TMEM232: variants seen among roughly 807,000 people sequenced by gnomAD.
TMEM232 encodes the protein transmembrane protein 232.
Under a neutral mutation model 78.8 loss-of-function variants are expected in TMEM232, and 80 were observed. The ratio of observed to expected loss-of-function variants is 1.01; its 90% CI spans 0.85 to 1.22. The LOEUF is 1.22. Among genes scored for constraint, TMEM232 ranks in the 50% most tolerant of loss-of-function variants. TMEM232 has a pLI of 0.00. For missense variants in TMEM232, 881 were observed against 742.2 expected, an observed-to-expected ratio of 1.19 and a Z score of -2.17; for synonymous variants, 297 against 254.3, an observed-to-expected ratio of 1.17 and a Z score of -1.60.
At chr5:110,498,169 T>C (rs552326469) in intron 12 of TMEM232, among the ~76,000 whole-genome samples, 1 of 152,244 alleles carries the variant, frequency 6.6e-6, no homozygotes, top group Non-Finnish European at 1.5e-5. Context: ...CTCCCTAATA[T>C]TATAAAATGA....
intron 8 of TMEM232, among the ~76,000 whole-genome samples, chr5:110,610,098 T>G (rs553908755): frequency 1.3e-5 from 2 of 151,532 alleles, no homozygotes; most frequent in Admixed American, 1.3e-4. Flanking sequence ...AAATCCATAG[T>G]TGAGGAAGTT....
chr5:110,594,328 T>C (rs1779888838), intron 10 of TMEM232, among the ~76,000 whole-genome samples: 1 of 152,104 alleles, frequency 6.6e-6, no homozygotes, highest in African/African-American at 2.4e-5. Context: ...GGAGATTCCC[T>C]CCTGTGCCTA....
intron 12 of TMEM232, among the ~76,000 whole-genome samples, chr5:110,433,202 C>T: frequency 6.6e-6 from 1 of 151,782 alleles, no homozygotes; most frequent in East Asian, 1.9e-4. Flanking sequence ...GCATATGGAA[C>T]ATACTCTAAG....
chr5:110,648,283 T>G (rs1030645370), intron 2 of TMEM232, among the ~76,000 whole-genome samples: 1 of 151,982 alleles, frequency 6.6e-6, no homozygotes, highest in Admixed American at 6.6e-5. Context: ...GTAATAGAAA[T>G]TCTCACAAAC....
chr5:110,571,218 G>A (rs7715436), intron 10 of TMEM232, among the ~76,000 whole-genome samples: 6,817 of 151,922 alleles, frequency 0.045, 547 homozygotes, highest in African/African-American at 0.16. Flanking sequence ...TCTTTTATTC[G>A]CTCAGATATT....
intron 10 of TMEM232, among the ~76,000 whole-genome samples, chr5:110,589,356 T>A (rs1355371566): frequency 6.6e-6 from 1 of 152,086 alleles, no homozygotes; most frequent in Non-Finnish European, 1.5e-5. Flanking sequence ...GCCCAGGAAC[T>A]TACGTTAAAA....
At chr5:110,590,042 C>A (rs1363207583) in intron 10 of TMEM232, among the ~76,000 whole-genome samples, 1 of 151,936 alleles carries the variant, frequency 6.6e-6, no homozygotes, top group Non-Finnish European at 1.5e-5. Context: ...GGATGGTTCT[C>A]CATAAAAGGA....
At chr5:110,643,182 C>T (rs757085120) in intron 2 of TMEM232, among the ~76,000 whole-genome samples, 5 of 151,972 alleles carry the variant, frequency 3.3e-5, no homozygotes, top group Admixed American at 6.6e-5. Flanking sequence ...AGGACTGAAT[C>T]GCTATTCACT....
At chr5:110,649,121 T>C (rs563229902) in intron 2 of TMEM232, among the ~76,000 whole-genome samples, 1 of 152,068 alleles carries the variant, frequency 6.6e-6, no homozygotes, top group Admixed American at 6.6e-5. Flanking sequence ...TTAAACAAAC[T>C]GCAACTATAC....
intron 1 of TMEM232, among the ~76,000 whole-genome samples, chr5:110,680,396 C>CAAAAA (rs1189611727): frequency 2.8e-4 from 7 of 24,660 alleles, no homozygotes; most frequent in East Asian, 1.4e-3. Context: ...GACTCTATCT[C>CAAAAA]AAAAAAAAAA....
intron 2 of TMEM232, among the ~76,000 whole-genome samples, chr5:110,649,838 AGTTATAGTG>A: frequency 6.6e-6 from 1 of 152,184 alleles, no homozygotes; most frequent in East Asian, 1.9e-4. Context: ...ATGGCAATAT[AGTTATAGTG>A]GTTATGTGCA....
chr5:110,447,026 G>A (rs990727268), intron 12 of TMEM232, among the ~76,000 whole-genome samples: 2 of 151,722 alleles, frequency 1.3e-5, no homozygotes, highest in Admixed American at 6.6e-5. Context: ...ATGAAAGCAG[G>A]CAGACCTCCC....
At chr5:110,689,381 T>C (rs1793815862) in intron 1 of TMEM232, among the ~76,000 whole-genome samples, 1 of 151,784 alleles carries the variant, frequency 6.6e-6, no homozygotes, top group Admixed American at 6.6e-5. Flanking sequence ...TTTATAGTAC[T>C]AAATTTAAAA....
At chr5:110,511,080 T>G (rs370722942) in intron 12 of TMEM232, among the ~76,000 whole-genome samples, 1 of 152,092 alleles carries the variant, frequency 6.6e-6, no homozygotes, top group Non-Finnish European at 1.5e-5. Flanking sequence ...TAAAGAAAAT[T>G]TGGCACATAT....
intron 12 of TMEM232, among the ~76,000 whole-genome samples, chr5:110,429,418 A>G (rs1487109800): frequency 3.3e-5 from 5 of 151,764 alleles, no homozygotes; most frequent in Non-Finnish European, 7.4e-5. Context: ...TTTATGCAGA[A>G]TTATGGTTTT....
At position 110,573,255 on chromosome 5, in the gene TMEM232, G is replaced by A. The variant is rs182093331; in HGVS notation, c.1277-4630C>T. On this transcript the variant is annotated intron_variant, in intron 10 of 13. Coordinates refer to ENST00000455884, the MANE Select transcript of TMEM232 (RefSeq NM_001039763.4). Reference sequence around the variant, plus strand: ...TACATTTCATATATTTAGTGAAAGCGAAATATGAATATTTCTACTTATATG... The same window carrying A: ...TACATTTCATATATTTAGTGAAAGCAAAATATGAATATTTCTACTTATATG... Among the ~76,000 whole-genome samples the A allele has an allele frequency of 9.3e-4, 142 of 152,060 alleles. No individual in the cohort carries two copies. The East Asian group carries it at 0.024, about 26-fold the overall frequency.
At chr5:110,539,122 C>T (rs1772778245) in intron 11 of TMEM232, among the ~76,000 whole-genome samples, 1 of 152,184 alleles carries the variant, frequency 6.6e-6, no homozygotes, top group Non-Finnish European at 1.5e-5. Context: ...CATTAGTAAA[C>T]AGGCTAACCC....
At chr5:110,685,747 T>A (rs961896806) in intron 1 of TMEM232, among the ~76,000 whole-genome samples, 2 of 152,102 alleles carry the variant, frequency 1.3e-5, no homozygotes, top group African/African-American at 4.8e-5. Context: ...AACTCAACCA[T>A]CTGTCAGTGG....
intron 12 of TMEM232, among the ~76,000 whole-genome samples, chr5:110,444,991 C>A (rs933699543): frequency 2.0e-5 from 3 of 151,874 alleles, no homozygotes; most frequent in Non-Finnish European, 4.4e-5. Context: ...TTTCAACTTC[C>A]ACTATTGTGT....
Sources: gnomAD v4.1 joint callset for allele counts (sites outside exome capture counted in the v4.1 genomes callset) on GRCh38, gnomAD v4.1.1 for gene constraint, MANE v1.5 for transcripts, NCBI Gene and HGNC (gene_info 2026-07-23, HGNC 2026-07-21) for gene names.